PKNOX2: variants seen among roughly 807,000 people sequenced by gnomAD.
The protein encoded by PKNOX2 is PBX/knotted 1 homeobox 2.
In PKNOX2, 14 loss-of-function variants were observed where a neutral mutation model predicts 53.1. The ratio of observed to expected loss-of-function variants is 0.26; its 90% CI spans 0.17 to 0.41. The LOEUF (loss-of-function observed/expected upper bound fraction) is 0.41, where lower values mean the gene tolerates loss of function less well. PKNOX2 is among the 10% of genes least tolerant of loss of function. The probability of loss-of-function intolerance (pLI) is 1.00; values close to 1 mark genes in which losing one functional copy is unlikely to be tolerated. For missense variants in PKNOX2, 496 were observed against 602.8 expected (o/e 0.82, Z 1.85); for synonymous variants, 257 against 242.8 (o/e 1.06, Z -0.54).
At chr11:125,346,457 A>G (rs73618154) in intron 3 of PKNOX2, among the ~76,000 whole-genome samples, 11,042 of 152,252 alleles carry the variant, frequency 0.073, 603 homozygotes, top group African/African-American at 0.14. Context: ...ACTTGTACAG[A>G]TTACAGAATA....
At chr11:125,318,018 C>T (rs1949306849) in intron 2 of PKNOX2, among the ~76,000 whole-genome samples, 1 of 152,222 alleles carries the variant, frequency 6.6e-6, no homozygotes, top group South Asian at 2.1e-4. Flanking sequence ...AATACATCAG[C>T]ACTTGCTGCT....
intron 1 of PKNOX2, among the ~76,000 whole-genome samples, chr11:125,177,544 T>C (rs1955791932): frequency 6.6e-6 from 1 of 152,130 alleles, no homozygotes; most frequent in Non-Finnish European, 1.5e-5. Flanking sequence ...TTCTTCCCTT[T>C]TGTGAAATGA....
At chr11:125,385,796 G>C (rs1252304931) in intron 6 of PKNOX2, 74 bp downstream of exon 6, 1 of 1,513,914 alleles carries the variant, frequency 6.6e-7, no homozygotes. Flanking sequence ...CCCTAGAAAT[G>C]ATCCTTTCAT....
intron 2 of PKNOX2, among the ~76,000 whole-genome samples, chr11:125,262,469 T>C (rs1433671158): frequency 6.6e-6 from 1 of 151,846 alleles, no homozygotes; most frequent in Non-Finnish European, 1.5e-5. Context: ...AAGTGCCACA[T>C]CACGGTGGGA....
intron 2 of PKNOX2, among the ~76,000 whole-genome samples, chr11:125,260,207 C>T (rs997502614): frequency 6.6e-5 from 10 of 151,432 alleles, no homozygotes; most frequent in Non-Finnish European, 1.3e-4. Flanking sequence ...TGTTTGTCTG[C>T]TTGTTTTGTG....
intron 2 of PKNOX2, among the ~76,000 whole-genome samples, chr11:125,290,547 C>T (rs1036366950): frequency 2.6e-5 from 4 of 152,270 alleles, no homozygotes; most frequent in Admixed American, 6.5e-5. Context: ...TCCACAAGCT[C>T]GATGCAGGCC....
chr11:125,349,837 T>TCACACACA lies in PKNOX2; in HGVS notation c.-22-1414_-22-1407dup, dbSNP rs60332384. ...ACTTCCTGAAAAAGAACCAAAAGAA[T>TCACACACA]CACACACACACACACACACACACAC... On this transcript the variant is annotated intron_variant, in intron 3 of 12. Transcript: ENST00000298282. Among the ~76,000 whole-genome samples the TCACACACA allele has an allele frequency of 8.4e-3, 1,164 of 138,118 alleles. 12 individuals are homozygous for TCACACACA. Among genetic ancestry groups the TCACACACA allele is most frequent in the Middle Eastern group, 0.016 (4 of 250 alleles). The allele number at this position is 138,118 out of a possible 152,430, so 90.6% of individuals were successfully genotyped here. A position where few individuals can be genotyped will look rare whatever the true frequency, so the allele number is the denominator to read the frequency against.
chr11:125,187,077 A>G (rs945352245), intron 1 of PKNOX2, among the ~76,000 whole-genome samples: 10 of 152,202 alleles, frequency 6.6e-5, no homozygotes, highest in African/African-American at 2.4e-4. Context: ...CTAAATGTCC[A>G]TCCCCATACC....
chr11:125,182,887 G>T (rs1591472158), intron 1 of PKNOX2, among the ~76,000 whole-genome samples: 2 of 152,208 alleles, frequency 1.3e-5, no homozygotes, highest in South Asian at 4.1e-4. Flanking sequence ...CCAGAATCCT[G>T]GGGCTTTAAG....
chr11:125,263,668 G>C (rs1409383820), intron 2 of PKNOX2, among the ~76,000 whole-genome samples: 1 of 152,250 alleles, frequency 6.6e-6, no homozygotes, highest in African/African-American at 2.4e-5. Context: ...GGGCCCCACA[G>C]AACGTGGCTA....
At chr11:125,273,191 G>A (rs1409806344) in intron 2 of PKNOX2, among the ~76,000 whole-genome samples, 1 of 152,218 alleles carries the variant, frequency 6.6e-6, no homozygotes, top group Non-Finnish European at 1.5e-5. Flanking sequence ...GTTTACCTTT[G>A]CAGCCCACTG....
chr11:125,415,248 T>C (rs1955810128), intron 10 of PKNOX2, among the ~76,000 whole-genome samples: 1 of 149,402 alleles, frequency 6.7e-6, no homozygotes, highest in East Asian at 1.9e-4. Context: ...TTTTTTTTTT[T>C]TTTTTTTTGG....
chr11:125,402,615 G>A (rs2135487377), intron 7 of PKNOX2, among the ~76,000 whole-genome samples: 1 of 152,302 alleles, frequency 6.6e-6, no homozygotes, highest in East Asian at 1.9e-4. Context: ...CTCAGGGAGA[G>A]AGAGCCATGA....
chr11:125,382,838 T>C (rs1291857913), intron 5 of PKNOX2, among the ~76,000 whole-genome samples: 1 of 152,256 alleles, frequency 6.6e-6, no homozygotes, highest in Non-Finnish European at 1.5e-5. Context: ...ATGGCTAAGC[T>C]AACGCATTGT....
At chr11:125,203,279 T>C (rs1157088407) in intron 1 of PKNOX2, among the ~76,000 whole-genome samples, 2 of 152,142 alleles carry the variant, frequency 1.3e-5, no homozygotes, top group Non-Finnish European at 2.9e-5. Context: ...ATTTAAAATT[T>C]TTTGGTAGAG....
At chr11:125,335,419 A>C (rs1424105315) in intron 3 of PKNOX2, among the ~76,000 whole-genome samples, 1 of 152,142 alleles carries the variant, frequency 6.6e-6, no homozygotes, top group African/African-American at 2.4e-5. Flanking sequence ...CTTCTCTGTG[A>C]ATGAGGGAGG....
intron 5 of PKNOX2, among the ~76,000 whole-genome samples, chr11:125,375,810 G>T (rs1358164157): frequency 6.6e-6 from 1 of 152,166 alleles, no homozygotes; most frequent in Non-Finnish European, 1.5e-5. Context: ...TTCACTAGCT[G>T]CCTAATTTCA....
chr11:125,261,260 T>C (rs1389728626), intron 2 of PKNOX2, among the ~76,000 whole-genome samples: 2 of 152,226 alleles, frequency 1.3e-5, no homozygotes, highest in African/African-American at 4.8e-5. Flanking sequence ...ATTTATGTTA[T>C]CTGTCTTTTC....
intron 3 of PKNOX2, among the ~76,000 whole-genome samples, chr11:125,341,533 G>A (rs928255263): frequency 3.3e-5 from 5 of 152,186 alleles, no homozygotes; most frequent in African/African-American, 9.7e-5. Flanking sequence ...CTGCTGGGGG[G>A]AACAGGGGCC....
Sources: allele counts gnomAD v4.1 joint callset (sites outside exome capture counted in the v4.1 genomes callset), GRCh38; gene constraint gnomAD v4.1.1; transcripts MANE v1.5; gene names NCBI Gene and HGNC (gene_info 2026-07-23, HGNC 2026-07-21).